CACNA2D3: variants seen among roughly 807,000 people sequenced by gnomAD.
CACNA2D3 encodes calcium voltage-gated channel auxiliary subunit alpha2delta 3, also known as voltage-dependent calcium channel subunit alpha-2/delta-3.
A neutral mutation model predicts 160.6 loss-of-function variants in CACNA2D3; 60 were observed. That is an observed-to-expected ratio of 0.37 (90% CI 0.30 to 0.46). The LOEUF (loss-of-function observed/expected upper bound fraction) is 0.46, where lower values mean the gene tolerates loss of function less well. CACNA2D3 is among the 20% of genes least tolerant of loss of function. CACNA2D3 has a pLI of 1.00. For missense variants in CACNA2D3, 1,205 were observed against 1,365.0 expected, an observed-to-expected ratio of 0.88 and a Z score of 1.85; for synonymous variants, 558 against 492.9, an observed-to-expected ratio of 1.13 and a Z score of -1.75.
At chr3:55,000,263 A>G (rs1011300748) in intron 31 of CACNA2D3, among the ~76,000 whole-genome samples, 14 of 152,320 alleles carry the variant, frequency 9.2e-5, no homozygotes, top group African/African-American at 3.4e-4. Flanking sequence ...TAACAAAGTC[A>G]CTTCAAAAAG....
chr3:54,276,638 A>G (rs966371435), intron 2 of CACNA2D3, among the ~76,000 whole-genome samples: 1 of 151,982 alleles, frequency 6.6e-6, no homozygotes, highest in African/African-American at 2.4e-5. Flanking sequence ...TGCTGATTGT[A>G]CAAGAGAAGT....
intron 11 of CACNA2D3, among the ~76,000 whole-genome samples, chr3:54,692,035 C>A (rs562790860): frequency 2.0e-5 from 3 of 151,990 alleles, no homozygotes; most frequent in African/African-American, 7.2e-5. Flanking sequence ...AGTACAGTGG[C>A]GTGACCTCGG....
intron 13 of CACNA2D3, among the ~76,000 whole-genome samples, chr3:54,798,096 C>T (rs1702903628): frequency 1.3e-5 from 2 of 152,186 alleles, no homozygotes; most frequent in South Asian, 4.1e-4. Context: ...ATAAAGTTAT[C>T]AAATATTATC....
intron 34 of CACNA2D3, among the ~76,000 whole-genome samples, chr3:55,012,075 G>A (rs4955917): frequency 0.7 from 107,044 of 152,120 alleles, 38,123 homozygotes; most frequent in African/African-American, 0.74. Flanking sequence ...AGGCCGGAGC[G>A]GCTTTGGAAC....
chr3:54,898,117 CT>C (rs1559621725), intron 26 of CACNA2D3, among the ~76,000 whole-genome samples: 83 of 149,528 alleles, frequency 5.6e-4, no homozygotes, highest in African/African-American at 2.0e-3. Flanking sequence ...TTTCTTTTTT[CT>C]TTCTTTCTTT....
At chr3:54,306,171 AC>A (rs2107494907) in intron 2 of CACNA2D3, among the ~76,000 whole-genome samples, 1 of 152,082 alleles carries the variant, frequency 6.6e-6, no homozygotes, top group African/African-American at 2.4e-5. Context: ...GGTCTGCTGC[AC>A]CCCCCAACCC....
intron 2 of CACNA2D3, among the ~76,000 whole-genome samples, chr3:54,207,105 C>T (rs1701288937): frequency 6.6e-6 from 1 of 152,186 alleles, no homozygotes; most frequent in South Asian, 2.1e-4. Flanking sequence ...CTTCATCTGG[C>T]CTTAACTTCA....
At chr3:54,806,833 A>G (rs1452442255) in intron 13 of CACNA2D3, among the ~76,000 whole-genome samples, 1 of 152,180 alleles carries the variant, frequency 6.6e-6, no homozygotes, top group Non-Finnish European at 1.5e-5. Flanking sequence ...CCAAAACAGC[A>G]TGGTACTGAT....
chr3:54,718,725 C>G (rs917334377), intron 11 of CACNA2D3, among the ~76,000 whole-genome samples: 14 of 152,112 alleles, frequency 9.2e-5, no homozygotes, highest in African/African-American at 3.4e-4. Flanking sequence ...TCTGCTGAGA[C>G]TTTGATTGCG....
intron 2 of CACNA2D3, among the ~76,000 whole-genome samples, chr3:54,176,312 G>A (rs536362433): frequency 2.9e-4 from 44 of 152,264 alleles, no homozygotes; most frequent in Admixed American, 6.5e-4. Context: ...CCTTTTATGT[G>A]TTTAAGGAAG....
At chr3:54,182,697 T>C (rs1166839933) in intron 2 of CACNA2D3, among the ~76,000 whole-genome samples, 3 of 152,240 alleles carry the variant, frequency 2.0e-5, no homozygotes, top group Non-Finnish European at 4.4e-5. Context: ...TGCTCTGCAC[T>C]TGCTGTGGTT....
intron 1 of CACNA2D3, 64 bp downstream of exon 1, chr3:54,122,899 A>G: frequency 8.4e-7 from 1 of 1,183,602 alleles, no homozygotes; most frequent in Non-Finnish European, 1.0e-6. Context: ...ACTGTGCCCA[A>G]GTTTGGGCGC....
At chr3:54,843,306 A>G (rs1462469566) in intron 16 of CACNA2D3, among the ~76,000 whole-genome samples, 1 of 152,210 alleles carries the variant, frequency 6.6e-6, no homozygotes, top group Non-Finnish European at 1.5e-5. Context: ...TGATGATGGT[A>G]TGGAAAGGAC....
intron 2 of CACNA2D3, among the ~76,000 whole-genome samples, chr3:54,191,157 C>G (rs151138298): frequency 1.2e-3 from 188 of 152,006 alleles, no homozygotes; most frequent in African/African-American, 4.2e-3. Context: ...AAAACACATT[C>G]CTGCTCCGGG....
At position 54,628,096 on chromosome 3, in the gene CACNA2D3, G is replaced by A. The variant is rs548255899; in HGVS notation, c.1053+220G>A. 2.6e-5 allele frequency among the ~76,000 whole-genome samples: 4 copies of A among 152,320 alleles called. No homozygotes were observed. The South Asian group carries it at 8.3e-4, about 32-fold the overall frequency. On this transcript the variant is annotated intron_variant, in intron 10 of 37. Transcript: ENST00000474759. ...AAATACAAAAAATTAGCCAGGCATG[G>A]TGGCGGGTGCCTGTAGTCCCAGCTA... is the stretch of plus-strand genomic sequence containing the variant.
At chr3:54,378,924 A>G (rs1324264999) in intron 3 of CACNA2D3, among the ~76,000 whole-genome samples, 2 of 152,238 alleles carry the variant, frequency 1.3e-5, no homozygotes, top group Admixed American at 1.3e-4. Context: ...TCACACTGAT[A>G]ACGGGTATTA....
intron 3 of CACNA2D3, among the ~76,000 whole-genome samples, chr3:54,334,969 A>G (rs888416901): frequency 6.6e-6 from 1 of 152,190 alleles, no homozygotes; most frequent in Non-Finnish European, 1.5e-5. Context: ...CTGTAAGATG[A>G]GGGTTAGAAT....
At chr3:54,785,510 G>T (rs967275717) in intron 13 of CACNA2D3, among the ~76,000 whole-genome samples, 2 of 152,196 alleles carry the variant, frequency 1.3e-5, no homozygotes, top group Non-Finnish European at 2.9e-5. Context: ...TATGGGAACA[G>T]ATCTCTTATG....
chr3:54,934,399 TCTC>T (rs1312569195), intron 27 of CACNA2D3, among the ~76,000 whole-genome samples: 34 of 98,176 alleles, frequency 3.5e-4, no homozygotes. Context: ...GTTGTGTTCA[TCTC>T]CTTGTTTTTT....
Sources: gnomAD v4.1 joint callset for allele counts (sites outside exome capture counted in the v4.1 genomes callset) on GRCh38, gnomAD v4.1.1 for gene constraint, MANE v1.5 for transcripts, NCBI Gene and HGNC (gene_info 2026-07-23, HGNC 2026-07-21) for gene names.